SNTG1: variants seen among roughly 807,000 people sequenced by gnomAD.
SNTG1 encodes gamma-1-syntrophin.
SNTG1 carries 39 observed loss-of-function variants against 74.7 expected under a neutral mutation model. The ratio of observed to expected loss-of-function variants is 0.52; its 90% CI spans 0.40 to 0.68. The LOEUF (loss-of-function observed/expected upper bound fraction) is 0.68, where lower values mean the gene tolerates loss of function less well. Among genes scored for constraint, SNTG1 ranks in the 30% least tolerant of loss-of-function variants. The pLI is 0.00. For missense variants in SNTG1, 685 were observed against 609.5 expected (o/e 1.12, Z -1.30); for synonymous variants, 254 against 217.1 (o/e 1.17, Z -1.49).
intron 13 of SNTG1, among the ~76,000 whole-genome samples, chr8:50,648,561 CT>C (rs2095124906): frequency 6.6e-6 from 1 of 152,082 alleles, no homozygotes; most frequent in South Asian, 2.1e-4. Flanking sequence ...GAATGACAAT[CT>C]AACAATATTT....
chr8:50,328,975 C>T (rs2090858122), intron 2 of SNTG1, among the ~76,000 whole-genome samples: 1 of 152,200 alleles, frequency 6.6e-6, no homozygotes, highest in Non-Finnish European at 1.5e-5. Flanking sequence ...TGGATAAATA[C>T]TTCCATTCCA....
chr8:50,700,244 T>TTA (rs990806633), intron 15 of SNTG1, among the ~76,000 whole-genome samples: 31 of 152,208 alleles, frequency 2.0e-4, no homozygotes, highest in South Asian at 1.7e-3. Context: ...TTTCAGTTAG[T>TTA]TATATATATA....
chr8:50,597,390 CATATAT>C (rs1554583931), intron 13 of SNTG1, among the ~76,000 whole-genome samples: 1 of 136,428 alleles, frequency 7.3e-6, no homozygotes, highest in Admixed American at 7.2e-5. Context: ...CACATATATA[CATATAT>C]ACATATATAC....
intron 17 of SNTG1, among the ~76,000 whole-genome samples, chr8:50,723,788 GA>G (rs141089689): frequency 0.11 from 15,978 of 147,488 alleles, 2,373 homozygotes; most frequent in African/African-American, 0.34. Flanking sequence ...GAGGCCTATG[GA>G]AAAAAAAAAG....
chr8:50,593,654 A>AT (rs973638037), intron 13 of SNTG1, among the ~76,000 whole-genome samples: 2 of 149,208 alleles, frequency 1.3e-5, no homozygotes, highest in South Asian at 2.1e-4. Flanking sequence ...TAAGTTTTCC[A>AT]TTTTTTCTAT....
At chr8:50,707,793 G>A (rs2095448470) in intron 16 of SNTG1, 3 of 307,664 alleles carry the variant, frequency 9.8e-6, no homozygotes, top group Admixed American at 5.1e-5. Flanking sequence ...AAAATTAAAT[G>A]CAAATAAAAC....
chr8:50,570,226 T>TTTTAA, intron 12 of SNTG1, among the ~76,000 whole-genome samples: 1 of 46,808 alleles, frequency 2.1e-5, no homozygotes, highest in Non-Finnish European at 6.0e-5. Context: ...GGTGGTTCTA[T>TTTTAA]TTTTATTTTA....
intron 2 of SNTG1, among the ~76,000 whole-genome samples, chr8:50,364,429 C>T (rs543762834): frequency 2.6e-5 from 4 of 152,164 alleles, no homozygotes; most frequent in Non-Finnish European, 5.9e-5. Context: ...ATTTCACACA[C>T]TTACTGTCAT....
intron 1 of SNTG1, among the ~76,000 whole-genome samples, chr8:49,936,738 A>T (rs1489383860): frequency 2.0e-5 from 3 of 152,222 alleles, no homozygotes; most frequent in African/African-American, 4.8e-5. Flanking sequence ...CCAACAGTCC[A>T]TCAACAAGTG....
chr8:49,931,133 T>C (rs1052351065), intron 1 of SNTG1, among the ~76,000 whole-genome samples: 1 of 152,166 alleles, frequency 6.6e-6, no homozygotes, highest in Non-Finnish European at 1.5e-5. Flanking sequence ...ATTAAAGCCA[T>C]AAAAACAGAT....
chr8:50,043,928 A>C (rs1818857838), intron 1 of SNTG1, among the ~76,000 whole-genome samples: 1 of 152,218 alleles, frequency 6.6e-6, no homozygotes, highest in Non-Finnish European at 1.5e-5. Context: ...TTTAAGAACC[A>C]ACAGAAAATC....
chr8:50,441,181 G>A (rs1355673798), intron 5 of SNTG1, among the ~76,000 whole-genome samples: 1 of 152,074 alleles, frequency 6.6e-6, no homozygotes. Flanking sequence ...TGTGGGCTGT[G>A]GGCAACATGA....
chr8:49,911,071 G>C (rs1805554426), upstream of SNTG1: 1 of 152,188 alleles, frequency 6.6e-6, no homozygotes, highest in Non-Finnish European at 1.5e-5. Context: ...GCTTTTTCCT[G>C]TCTTTTTCAT....
At chr8:50,425,161 A>G (rs1190912018) in intron 4 of SNTG1, among the ~76,000 whole-genome samples, 1 of 152,168 alleles carries the variant, frequency 6.6e-6, no homozygotes, top group East Asian at 1.9e-4. Flanking sequence ...AGTGGAGATA[A>G]GGGCAAAAAG....
chr8:50,582,448 C>G (rs996167), intron 12 of SNTG1, among the ~76,000 whole-genome samples: 31,008 of 151,812 alleles, frequency 0.2, 5,350 homozygotes, highest in African/African-American at 0.47. Flanking sequence ...TGATAAGTAT[C>G]TCTATACTGA....
At chr8:50,384,085 A>G (rs561667212) in intron 2 of SNTG1, among the ~76,000 whole-genome samples, 4 of 152,272 alleles carry the variant, frequency 2.6e-5, no homozygotes, top group East Asian at 3.9e-4. Flanking sequence ...CATTTCCTAA[A>G]CTCATGAATT....
intron 13 of SNTG1, among the ~76,000 whole-genome samples, chr8:50,614,944 C>CTTT (rs1217362389): frequency 7.3e-6 from 1 of 136,756 alleles, no homozygotes; most frequent in Non-Finnish European, 1.6e-5. Flanking sequence ...GTAGTTTTTT[C>CTTT]TTTTTTTTTT....
intron 9 of SNTG1, among the ~76,000 whole-genome samples, chr8:50,506,414 A>C (rs2094007003): frequency 2.0e-5 from 3 of 152,094 alleles, no homozygotes; most frequent in Non-Finnish European, 4.4e-5. Flanking sequence ...GATTGCATTG[A>C]ACCTGTAGAT....
At chr8:50,672,554 T>G (rs959590306) in intron 15 of SNTG1, among the ~76,000 whole-genome samples, 3 of 152,166 alleles carry the variant, frequency 2.0e-5, no homozygotes, top group African/African-American at 7.2e-5. Context: ...TCTTGTAAAT[T>G]TGTTTAAGTT....
Sources: allele counts gnomAD v4.1 joint callset (sites outside exome capture counted in the v4.1 genomes callset), GRCh38; gene constraint gnomAD v4.1.1; transcripts MANE v1.5; gene names NCBI Gene and HGNC (gene_info 2026-07-23, HGNC 2026-07-21).